Variants in GLRA3 observed in about 807,000 individuals in gnomAD.
The protein encoded by GLRA3 is glycine receptor subunit alpha-3.
Under a neutral mutation model 60.4 loss-of-function variants are expected in GLRA3, and 44 were observed. The ratio of observed to expected loss-of-function variants is 0.73; its 90% CI spans 0.57 to 0.94. GLRA3 has a LOEUF of 0.94. Among genes scored for constraint, GLRA3 ranks in the 40% least tolerant of loss-of-function variants. The pLI, the probability that GLRA3 is intolerant of heterozygous loss-of-function variation, is 0.00. For synonymous variants in GLRA3, 223 were observed against 192.9 expected, an observed-to-expected ratio of 1.16 and a Z score of -1.29; for missense variants, 508 against 564.6, an observed-to-expected ratio of 0.90 and a Z score of 1.02.
chr4:174,786,898 A>C (rs1035622569), intron 2 of GLRA3, among the ~76,000 whole-genome samples: 2 of 152,054 alleles, frequency 1.3e-5, no homozygotes, highest in Admixed American at 6.6e-5. Flanking sequence ...TGTAAGAATG[A>C]ATTTTAGTCT....
intron 5 of GLRA3, among the ~76,000 whole-genome samples, chr4:174,706,794 A>G (rs1735536942): frequency 6.6e-6 from 1 of 152,208 alleles, no homozygotes; most frequent in African/African-American, 2.4e-5. Context: ...CAAAGCTGCT[A>G]AGAGACTAAT....
intron 3 of GLRA3, among the ~76,000 whole-genome samples, chr4:174,732,092 T>C (rs1209332930): frequency 6.6e-6 from 1 of 152,172 alleles, no homozygotes; most frequent in Non-Finnish European, 1.5e-5. Flanking sequence ...TGCAGTGGCT[T>C]ATGCCTTTAA....
intron 7 of GLRA3, among the ~76,000 whole-genome samples, chr4:174,662,236 A>G (rs988831918): frequency 6.6e-6 from 1 of 152,250 alleles, no homozygotes; most frequent in South Asian, 2.1e-4. Flanking sequence ...GATGTGTAAA[A>G]TGCTGTCATT....
chr4:174,717,227 AG>A (rs1735958177), intron 4 of GLRA3, among the ~76,000 whole-genome samples: 1 of 133,872 alleles, frequency 7.5e-6, no homozygotes, highest in African/African-American at 2.7e-5. Context: ...AAAAAAAAAA[AG>A]AAAGGAAGGC....
intron 1 of GLRA3, among the ~76,000 whole-genome samples, chr4:174,792,167 C>A (rs1392846540): frequency 2.0e-5 from 3 of 152,082 alleles, no homozygotes; most frequent in African/African-American, 7.2e-5. Flanking sequence ...ATGCACACAA[C>A]CCTGGGTGTA....
In GLRA3 at chr4:174,671,609, AAACTT is replaced by A. The variant is rs201120405; in HGVS notation, c.927+5464_927+5468del. Among the ~76,000 whole-genome samples, 1,053 of 152,244 alleles carry A rather than the reference AAACTT, an allele frequency of 6.9e-3. 14 individuals are homozygous for A. Among genetic ancestry groups the A allele is most frequent in the African/African-American group, 0.024 (1,012 of 41,562 alleles). ...TTAAAATTGGTGTTATGAAGAATGA[AAACTT>A]AATATAATATAAAAGCTATCCTCAT... On this transcript the variant is annotated intron_variant, in intron 7 of 9. Transcript: ENST00000274093.
At chr4:174,699,053 A>G (rs150629729) in intron 5 of GLRA3, among the ~76,000 whole-genome samples, 18,511 of 149,874 alleles carry the variant, frequency 0.12, 1,501 homozygotes, top group Middle Eastern at 0.19. Flanking sequence ...GCTGGAGTGC[A>G]GTGGTGTGAT....
At chr4:174,732,139 G>A (rs547311799) in intron 3 of GLRA3, among the ~76,000 whole-genome samples, 35 of 152,212 alleles carry the variant, frequency 2.3e-4, no homozygotes, top group African/African-American at 7.7e-4. Flanking sequence ...GGCGGATCAC[G>A]AGGTCAAGAG....
At position 174,728,472 on chromosome 4, in the gene GLRA3, C is replaced by A; in HGVS notation, c.491+3G>T. On this transcript the variant is annotated splice_donor_region_variant and intron_variant, in intron 4 of 9. Coordinates refer to ENST00000274093, the MANE Select transcript of GLRA3 (RefSeq NM_006529.4). ...AAATCGGCAATTTAAGTCCACGACT[C>A]ACCTTATTGAATAAAGAACATTTCC... 1.3e-6 allele frequency: 2 copies of A among 1,489,500 alleles called. No individual in the cohort carries two copies. The highest frequency in any genetic ancestry group is 2.3e-5 in the South Asian group (2 of 87,960). The allele number at this position is 1,489,500 out of a possible 1,614,324, so 92.3% of individuals were successfully genotyped here. A position where few individuals can be genotyped will look rare whatever the true frequency, so the allele number is the denominator to read the frequency against.
intron 2 of GLRA3, among the ~76,000 whole-genome samples, chr4:174,767,858 C>A (rs1166917930): frequency 1.3e-5 from 2 of 152,032 alleles, no homozygotes; most frequent in Non-Finnish European, 2.9e-5. Context: ...CTCCAGATTG[C>A]AAGGATATGT....
chr4:174,642,444 A>G lies in GLRA3; in HGVS notation c.*1342T>C. The stretch of plus-strand genomic sequence containing the variant: ...AAGCTTTTCCAAATAAATTTATGGT[A>G]AAAATAGTTAAAAAAATAGCAAAAC... On this transcript the variant is annotated 3_prime_UTR_variant, in exon 10 of 10. Transcript: ENST00000274093. The G allele has an allele frequency of 1.0e-6, 1 of 973,976 alleles. No homozygotes were observed. Among genetic ancestry groups the G allele is most frequent in the Non-Finnish European group, 1.2e-6 (1 of 819,578 alleles). 60.3% of individuals were successfully genotyped at this position (973,976 alleles called of 1,614,324 possible).
chr4:174,813,765 C>T (rs1219917832), intron 1 of GLRA3, among the ~76,000 whole-genome samples: 1 of 152,260 alleles, frequency 6.6e-6, no homozygotes, highest in Non-Finnish European at 1.5e-5. Flanking sequence ...GCTATTAAAA[C>T]TTTTCTTTGT....
intron 7 of GLRA3, among the ~76,000 whole-genome samples, chr4:174,661,212 T>C (rs1180781224): frequency 6.6e-6 from 1 of 152,094 alleles, no homozygotes; most frequent in Non-Finnish European, 1.5e-5. Flanking sequence ...GTAGCACCTG[T>C]GTAAATTTCT....
chr4:174,787,343 G>A (rs954088356), intron 2 of GLRA3, among the ~76,000 whole-genome samples: 21 of 152,084 alleles, frequency 1.4e-4, no homozygotes, highest in African/African-American at 4.3e-4. Context: ...GCTAATTCCC[G>A]ATTATGTGTC....
At chr4:174,652,966 C>G (rs1733075477) in intron 9 of GLRA3, among the ~76,000 whole-genome samples, 1 of 152,060 alleles carries the variant, frequency 6.6e-6, no homozygotes, top group Non-Finnish European at 1.5e-5. Flanking sequence ...ATGTGAATTG[C>G]TGTAAGATAT....
At position 174,640,963 on chromosome 4, in the gene GLRA3, G is replaced by A. The variant is rs1439216766; in HGVS notation, c.*2823C>T. On this transcript the variant is annotated 3_prime_UTR_variant, in exon 10 of 10. Coordinates refer to ENST00000274093, the MANE Select transcript of GLRA3 (RefSeq NM_006529.4). ...ACAGTGACTCTTGAATCTATTTAAA[G>A]TTGTAAAGTAAGTTCTAGAGCCTCA... is the stretch of plus-strand genomic sequence containing the variant. 6.6e-6 allele frequency: 1 copy of A among 150,780 alleles called. No homozygotes were observed. Among genetic ancestry groups the A allele is most frequent in the African/African-American group, 2.4e-5 (1 of 41,306 alleles). The allele number at this position is 150,780 out of a possible 1,614,324, so 9.3% of individuals were successfully genotyped here.
intron 2 of GLRA3, among the ~76,000 whole-genome samples, chr4:174,768,079 G>C (rs921738926): frequency 1.3e-5 from 2 of 152,050 alleles, no homozygotes; most frequent in Non-Finnish European, 2.9e-5. Context: ...AGCTCTTTGA[G>C]TGAGGCTCTT....
chr4:174,653,888 T>C (rs1733106233), intron 9 of GLRA3, among the ~76,000 whole-genome samples: 1 of 152,132 alleles, frequency 6.6e-6, no homozygotes. Context: ...AATATAGCTA[T>C]AAGAAATAGC....
Position 174,707,665 on chromosome 4 carries a change from T to C in GLRA3, c.574+7823A>G, listed in dbSNP as rs28735029. Among the ~76,000 whole-genome samples the C allele has an allele frequency of 8.1e-3, 1,241 of 152,334 alleles. 18 individuals are homozygous for C. Among genetic ancestry groups the C allele is most frequent in the African/African-American group, 0.028 (1,157 of 41,584 alleles). On this transcript the variant is annotated intron_variant, in intron 5 of 9. Coordinates refer to ENST00000274093, the MANE Select transcript of GLRA3 (RefSeq NM_006529.4). Reference sequence around the variant, plus strand: ...AATGAAATTACTGGGTGTGTTTAACTTGCAGAGATAATTTAAGGATACCAC... The same window carrying C: ...AATGAAATTACTGGGTGTGTTTAACCTGCAGAGATAATTTAAGGATACCAC...
Sources: gnomAD v4.1 joint callset for allele counts (sites outside exome capture counted in the v4.1 genomes callset) on GRCh38, gnomAD v4.1.1 for gene constraint, MANE v1.5 for transcripts, NCBI Gene and HGNC (gene_info 2026-07-23, HGNC 2026-07-21) for gene names.